The following ZDHHC15 variants were observed in gnomAD, a reference collection of about 807,000 sequenced individuals.
ZDHHC15 encodes the protein zDHHC palmitoyltransferase 15.
A neutral mutation model predicts 31.7 loss-of-function variants in ZDHHC15; 19 were observed. The ratio of observed to expected loss-of-function variants is 0.60; its 90% confidence interval spans 0.42 to 0.88. The LOEUF is 0.88. ZDHHC15 is among the 40% of genes least tolerant of loss of function. The probability of loss-of-function intolerance (pLI) is 0.00; values close to 1 mark genes in which losing one functional copy is unlikely to be tolerated. For synonymous variants in ZDHHC15, 103 were observed against 90.0 expected (o/e 1.14, Z -0.82); for missense variants, 209 against 251.2 (o/e 0.83, Z 1.14).
intron 2 of ZDHHC15, among the ~76,000 whole-genome samples, chrX:75,489,258 C>T (rs745387667): frequency 1.3e-4 from 14 of 111,994 alleles, no homozygotes; most frequent in Admixed American, 4.7e-4. Context: ...TCTCCCAGCA[C>T]GCAGATGGAG....
intron 4 of ZDHHC15, among the ~76,000 whole-genome samples, chrX:75,438,777 C>T (rs2083898613): frequency 9.0e-6 from 1 of 111,620 alleles, no homozygotes; most frequent in African/African-American, 3.3e-5. Flanking sequence ...TAAGGAAGTT[C>T]TATTTTGCTG....
intron 9 of ZDHHC15, among the ~76,000 whole-genome samples, chrX:75,419,275 A>G (rs2083590487): frequency 8.9e-6 from 1 of 111,885 alleles, no homozygotes; most frequent in African/African-American, 3.2e-5. Context: ...CAACCCCATC[A>G]AAAAGTGGGC....
intron 10 of ZDHHC15, among the ~76,000 whole-genome samples, chrX:75,416,099 C>T: frequency 8.9e-6 from 1 of 111,992 alleles, no homozygotes; most frequent in Non-Finnish European, 1.9e-5. Context: ...CTTGTAAGTT[C>T]TTTGGGATGG....
chrX:75,520,963 A>G (rs1472855843), intron 1 of ZDHHC15, among the ~76,000 whole-genome samples: 1 of 111,175 alleles, frequency 9.0e-6, no homozygotes, highest in Non-Finnish European at 1.9e-5. Context: ...CTGCCTCCCT[A>G]GTTTATCCCA....
chrX:75,515,187 T>G (rs2085337193), intron 1 of ZDHHC15, among the ~76,000 whole-genome samples: 1 of 111,282 alleles, frequency 9.0e-6, no homozygotes, highest in African/African-American at 3.3e-5. Flanking sequence ...ACTACTCCAA[T>G]AAATAGTAAA....
intron 9 of ZDHHC15, among the ~76,000 whole-genome samples, chrX:75,418,771 T>C (rs965386009): frequency 8.9e-6 from 1 of 112,080 alleles, no homozygotes; most frequent in Non-Finnish European, 1.9e-5. Flanking sequence ...AAGCTGAAAC[T>C]GGATACCTTC....
intron 8 of ZDHHC15, among the ~76,000 whole-genome samples, chrX:75,422,364 G>A (rs1350363370): frequency 8.9e-6 from 1 of 111,803 alleles, no homozygotes; most frequent in Admixed American, 9.5e-5. Context: ...AACAACAGCC[G>A]AATGACCACC....
chrX:75,420,616 T>G (rs749404783), intron 9 of ZDHHC15, among the ~76,000 whole-genome samples: 12 of 111,609 alleles, frequency 1.1e-4, no homozygotes, highest in African/African-American at 3.6e-4. Flanking sequence ...CATGGAATAC[T>G]ATGCAACCAT....
At position 75,414,014 on chromosome X, in the gene ZDHHC15, T is replaced by C. The variant is rs751264882; in HGVS notation, c.967+3073A>G. On this transcript the variant is annotated intron_variant, in intron 10 of 11. Transcript: ENST00000373367. ...CCCAATTTGAATAGAGCAGAAAGAA[T>C]TATACTGTAATCTTTAATTTTCATT... Among the ~76,000 whole-genome samples, 9 of 111,805 alleles carry C rather than the reference T, an allele frequency of 8.0e-5. No individual in the cohort carries two copies. In the East Asian group the frequency reaches 2.5e-3, roughly 32 times the overall value.
intron 3 of ZDHHC15, among the ~76,000 whole-genome samples, chrX:75,451,182 A>G (rs2084111085): frequency 8.9e-6 from 1 of 112,050 alleles, no homozygotes; most frequent in Non-Finnish European, 1.9e-5. Context: ...GTTGGACTCA[A>G]TCAACTAACA....
intron 2 of ZDHHC15, among the ~76,000 whole-genome samples, chrX:75,484,208 T>C (rs769796576): frequency 1.8e-5 from 2 of 111,539 alleles, no homozygotes; most frequent in East Asian, 2.8e-4. Flanking sequence ...GTTGGAAAAC[T>C]CCAATTGTTA....
intron 10 of ZDHHC15, among the ~76,000 whole-genome samples, chrX:75,392,387 C>G (rs929992355): frequency 1.8e-5 from 2 of 111,928 alleles, no homozygotes; most frequent in South Asian, 3.8e-4. Flanking sequence ...GTGGGCCTGC[C>G]TTTCCCAGCC....
At chrX:75,474,648 T>G (rs969768523) in intron 3 of ZDHHC15, among the ~76,000 whole-genome samples, 17 of 55,118 alleles carry the variant, frequency 3.1e-4, no homozygotes, top group African/African-American at 8.4e-4. Flanking sequence ...GACTAAAATA[T>G]TCCTGATCAT....
At chrX:75,407,488 CGTCCGGG>C (rs2083429173) in intron 10 of ZDHHC15, among the ~76,000 whole-genome samples, 2 of 76,978 alleles carry the variant, frequency 2.6e-5, no homozygotes, top group African/African-American at 9.7e-5. Context: ...CCAGCCGCCC[CGTCCGGG>C]AGGGAGGTGG....
In ZDHHC15 at chrX:75,368,724, A is replaced by G. The variant is rs771521332; in HGVS notation, c.*4254T>C. ...ATTATTCCTTGAATGCATCTTATCT[A>G]ATTTTTTTTTCCTTTAATGCCATTC... On this transcript the variant is annotated 3_prime_UTR_variant, in exon 12 of 12. Transcript: ENST00000373367. 9.0e-6 allele frequency: 1 copy of G among 111,259 alleles called. No homozygotes were observed. The highest frequency in any genetic ancestry group is 2.8e-4 in the East Asian group (1 of 3,539). 9.2% of individuals were successfully genotyped at this position (111,259 alleles called of 1,213,427 possible).
chrX:75,478,095 A>C (rs1393407017), intron 3 of ZDHHC15, among the ~76,000 whole-genome samples: 1 of 111,859 alleles, frequency 8.9e-6, no homozygotes, highest in African/African-American at 3.2e-5. Context: ...GAGTAGTTAC[A>C]CATTACAAAT....
At chrX:75,481,478 C>T (rs1182616816) in intron 2 of ZDHHC15, among the ~76,000 whole-genome samples, 1 of 111,953 alleles carries the variant, frequency 8.9e-6, no homozygotes, top group African/African-American at 3.2e-5. Flanking sequence ...AAACAGCTGG[C>T]TCCCATTCCT....
chrX:75,511,447 G>A (rs1166443072), intron 1 of ZDHHC15, among the ~76,000 whole-genome samples: 1 of 66,389 alleles, frequency 1.5e-5, no homozygotes, highest in African/African-American at 5.5e-5. Flanking sequence ...TTGTAAATTT[G>A]TTAGAGTTCA....
At chrX:75,461,170 A>G (rs1178999873) in intron 3 of ZDHHC15, among the ~76,000 whole-genome samples, 1 of 112,182 alleles carries the variant, frequency 8.9e-6, no homozygotes, top group Non-Finnish European at 1.9e-5. Context: ...CAGAATAAAT[A>G]AAGCAGAGGA....
Sources: gnomAD v4.1 joint callset for allele counts (sites outside exome capture counted in the v4.1 genomes callset) on GRCh38, gnomAD v4.1.1 for gene constraint, MANE v1.5 for transcripts, NCBI Gene and HGNC (gene_info 2026-07-23, HGNC 2026-07-21) for gene names.